DOCK2: variants seen among roughly 807,000 people sequenced by gnomAD.
DOCK2 encodes dedicator of cytokinesis 2, also known as dedicator of cytokinesis protein 2.
Under a neutral mutation model 248.9 loss-of-function variants are expected in DOCK2, and 87 were observed. The observed-to-expected ratio is 0.35, with a 90% CI of 0.29 to 0.42. The LOEUF (loss-of-function observed/expected upper bound fraction) is 0.42, where lower values mean the gene tolerates loss of function less well. Ranked by LOEUF, DOCK2 falls within the 10% of genes least tolerant of loss-of-function variation. The probability of loss-of-function intolerance (pLI) is 1.00; values close to 1 mark genes in which losing one functional copy is unlikely to be tolerated. For synonymous variants in DOCK2, 805 were observed against 821.6 expected, an observed-to-expected ratio of 0.98 and a Z score of 0.35; for missense variants, 1,747 against 2,300.2, an observed-to-expected ratio of 0.76 and a Z score of 4.92.
At chr5:169,682,005 A>G (rs957515449) in intron 7 of DOCK2, 126 bp downstream of exon 7, 6 of 1,314,784 alleles carry the variant, frequency 4.6e-6, no homozygotes, top group Non-Finnish European at 6.1e-6. Flanking sequence ...ACCTGAGATG[A>G]TCAGCAACCA....
intron 13 of DOCK2, among the ~76,000 whole-genome samples, chr5:169,700,847 T>C (rs1223445391): frequency 6.7e-6 from 1 of 148,604 alleles, no homozygotes; most frequent in Non-Finnish European, 1.5e-5. Flanking sequence ...TTGCAAGAAA[T>C]TCGGAGAGGG....
chr5:169,710,504 A>G (rs1419882942), intron 15 of DOCK2, among the ~76,000 whole-genome samples: 1 of 152,244 alleles, frequency 6.6e-6, no homozygotes, highest in East Asian at 1.9e-4. Context: ...AACTACAAAT[A>G]TTACATTACC....
chr5:169,658,681 T>C (rs970143461), intron 2 of DOCK2, among the ~76,000 whole-genome samples: 4 of 151,832 alleles, frequency 2.6e-5, no homozygotes, highest in Non-Finnish European at 4.4e-5. Flanking sequence ...TAAGCTTATA[T>C]GTTTGTACTT....
intron 34 of DOCK2, among the ~76,000 whole-genome samples, chr5:170,030,775 C>T (rs1179774735): frequency 6.6e-6 from 1 of 152,190 alleles, no homozygotes; most frequent in Non-Finnish European, 1.5e-5. Flanking sequence ...CTCCCCTAGG[C>T]TAGTCATCTC....
intron 7 of DOCK2, among the ~76,000 whole-genome samples, chr5:169,683,875 T>C (rs1759808258): frequency 6.6e-6 from 1 of 152,252 alleles, no homozygotes. Flanking sequence ...TGTACCTAGC[T>C]GTTGCATCTT....
intron 44 of DOCK2, among the ~76,000 whole-genome samples, chr5:170,066,378 C>A (rs1044651894): frequency 6.6e-6 from 1 of 152,078 alleles, no homozygotes; most frequent in South Asian, 2.1e-4. Context: ...CACATATACA[C>A]CCAATGTTGG....
At position 169,679,599 on chromosome 5, in the gene DOCK2, A is replaced by T. The variant is rs914415931; in HGVS notation, c.471-2145A>T. 2.6e-5 allele frequency among the ~76,000 whole-genome samples: 4 copies of T among 152,242 alleles called. No homozygotes were observed. In the South Asian group the frequency reaches 6.2e-4, roughly 24 times the overall value. ...ATAAATTTTGAGGAGAAACAGCCAG[A>T]GAGATCTTGGCATTAAATTATGTAT... On this transcript the variant is annotated intron_variant, in intron 6 of 51. Transcript: ENST00000520908.
intron 34 of DOCK2, among the ~76,000 whole-genome samples, chr5:170,033,337 T>C (rs1043029759): frequency 3.3e-5 from 5 of 152,206 alleles, no homozygotes; most frequent in Non-Finnish European, 7.3e-5. Flanking sequence ...TTTTTGTTTT[T>C]AAAATTTAGA....
chr5:169,695,165 C>T (rs1014606630), intron 9 of DOCK2: 11 of 152,376 alleles, frequency 7.2e-5, no homozygotes, highest in African/African-American at 2.4e-4. Context: ...GTGGCAGAGA[C>T]AGTGAGCGCA....
Position 169,676,556 on chromosome 5 carries a change from G to A in DOCK2, c.470+2111G>A, listed in dbSNP as rs115107968. Among the ~76,000 whole-genome samples, 529 of 152,264 alleles carry A rather than the reference G, an allele frequency of 3.5e-3. 5 individuals carry two copies. Among genetic ancestry groups the A allele is most frequent in the African/African-American group, 0.012 (501 of 41,540 alleles). On this transcript the variant is annotated intron_variant, in intron 6 of 51. Coordinates refer to ENST00000520908, the MANE Select transcript of DOCK2 (RefSeq NM_004946.3). ...TCACCTGACTGCTTCAGCTGCAAGC[G>A]AGAGAGTTGGGCAACTTATCACTGG...
intron 23 of DOCK2, among the ~76,000 whole-genome samples, chr5:169,748,006 TG>T (rs1763705556): frequency 1.3e-5 from 2 of 152,200 alleles, no homozygotes; most frequent in South Asian, 4.1e-4. Flanking sequence ...GCTAAGAGTC[TG>T]AATGAAGAGG....
intron 27 of DOCK2, among the ~76,000 whole-genome samples, chr5:169,861,164 G>A (rs564768739): frequency 2.0e-5 from 3 of 152,234 alleles, no homozygotes; most frequent in East Asian, 3.9e-4. Context: ...TTCTGAATCT[G>A]CTCTTTATTT....
intron 26 of DOCK2, among the ~76,000 whole-genome samples, chr5:169,833,700 ACTCAAAAG>A (rs1418226723): frequency 6.6e-6 from 1 of 152,142 alleles, no homozygotes; most frequent in Non-Finnish European, 1.5e-5. Flanking sequence ...GTGATACCTT[ACTCAAAAG>A]CAGGTTTCAA....
chr5:169,890,975 C>G (rs966852029), intron 27 of DOCK2, among the ~76,000 whole-genome samples: 1 of 152,190 alleles, frequency 6.6e-6, no homozygotes, highest in Non-Finnish European at 1.5e-5. Context: ...AGGTGTCCCA[C>G]TACATTTAAA....
At chr5:169,997,845 T>C in intron 30 of DOCK2, 1 of 444,790 alleles carries the variant, frequency 2.2e-6, no homozygotes, top group Non-Finnish European at 4.5e-6. Context: ...CTTGCTCATC[T>C]AAGTTGTTCA....
chr5:170,080,602 G>C, intron 50 of DOCK2: 1 of 329,940 alleles, frequency 3.0e-6, no homozygotes, highest in Non-Finnish European at 5.7e-6. Flanking sequence ...CCAGGGGCCA[G>C]AAGTTTGCCC....
chr5:169,964,360 G>T (rs924918806), intron 27 of DOCK2, among the ~76,000 whole-genome samples: 1 of 152,118 alleles, frequency 6.6e-6, no homozygotes. Context: ...CTTTTCTGTT[G>T]CCTTGGCCTG....
At chr5:169,717,998 A>C (rs1476897986) in intron 21 of DOCK2, among the ~76,000 whole-genome samples, 1 of 152,080 alleles carries the variant, frequency 6.6e-6, no homozygotes, top group Non-Finnish European at 1.5e-5. Context: ...GGAGGTGGAG[A>C]TTGCATTGTG....
At chr5:169,962,765 G>T (rs1288700937) in intron 27 of DOCK2, among the ~76,000 whole-genome samples, 1 of 152,202 alleles carries the variant, frequency 6.6e-6, no homozygotes, top group Non-Finnish European at 1.5e-5. Flanking sequence ...GGAGTTGAAA[G>T]GGGAAGAGAG....
Sources: allele counts gnomAD v4.1 joint callset (sites outside exome capture counted in the v4.1 genomes callset), GRCh38; gene constraint gnomAD v4.1.1; transcripts MANE v1.5; gene names NCBI Gene and HGNC (gene_info 2026-07-23, HGNC 2026-07-21).